The following ARID4B variants were observed in gnomAD, a reference collection of about 807,000 sequenced individuals.
ARID4B encodes AT-rich interactive domain-containing protein 4B.
A neutral mutation model predicts 147.5 loss-of-function variants in ARID4B; 26 were observed. The ratio of observed to expected loss-of-function variants is 0.18; its 90% CI spans 0.13 to 0.24. The LOEUF (loss-of-function observed/expected upper bound fraction) is 0.24, where lower values mean the gene tolerates loss of function less well. Among genes scored for constraint, ARID4B ranks in the 10% least tolerant of loss-of-function variants. ARID4B has a pLI of 1.00. For missense variants in ARID4B, 1,179 were observed against 1,511.5 expected (o/e 0.78, Z 3.65); for synonymous variants, 512 against 507.9 (o/e 1.01, Z -0.11).
At chr1:235,202,217 TAAAC>T (rs1017265499) in intron 17 of ARID4B, among the ~76,000 whole-genome samples, 12 of 151,792 alleles carry the variant, frequency 7.9e-5, no homozygotes, top group African/African-American at 2.4e-4. Context: ...AATACTGAAA[TAAAC>T]AAAAAGTATT....
chr1:235,251,682 ATAAG>A (rs1363713950), intron 6 of ARID4B, among the ~76,000 whole-genome samples: 2 of 151,896 alleles, frequency 1.3e-5, no homozygotes, highest in Non-Finnish European at 2.9e-5. Flanking sequence ...ATAATAACAA[ATAAG>A]TAATATTAAT....
At position 235,255,970 on chromosome 1, in the gene ARID4B, T is replaced by C. The variant is rs367883921; in HGVS notation, c.184-220A>G. On this transcript the variant is annotated intron_variant, in intron 4 of 23. Transcript: ENST00000264183. ...AGGTGGATCACTTGAGGTCAGGAGT[T>C]CGAGACCAGCCTGGCCAACATGGTG... Among the ~76,000 whole-genome samples, 35 of 152,018 alleles carry C rather than the reference T, an allele frequency of 2.3e-4. No homozygotes were observed. The South Asian group carries it at 7.3e-3, about 32-fold the overall frequency.
At chr1:235,245,610 A>C (rs962123725) in intron 7 of ARID4B, among the ~76,000 whole-genome samples, 2 of 152,222 alleles carry the variant, frequency 1.3e-5, no homozygotes, top group Non-Finnish European at 2.9e-5. Flanking sequence ...TAATTGTCAG[A>C]CATAAACACC....
intron 13 of ARID4B, among the ~76,000 whole-genome samples, 196 bp downstream of exon 13, chr1:235,222,967 GCCA>G (rs1371416469): frequency 3.3e-5 from 5 of 152,080 alleles, no homozygotes; most frequent in Non-Finnish European, 7.4e-5. Flanking sequence ...GCAGGCATGA[GCCA>G]CCATGCCTGG....
intron 2 of ARID4B, among the ~76,000 whole-genome samples, chr1:235,312,554 G>A (rs1321061299): frequency 6.6e-6 from 1 of 152,068 alleles, no homozygotes; most frequent in Admixed American, 6.6e-5. Flanking sequence ...AGAAGAACTA[G>A]TTTAGAAAAA....
chr1:235,322,564 T>C (rs1200294838), intron 2 of ARID4B, among the ~76,000 whole-genome samples: 1 of 152,326 alleles, frequency 6.6e-6, no homozygotes, highest in Non-Finnish European at 1.5e-5. Flanking sequence ...AAACTTTCCA[T>C]AGCTCTCTGA....
At chr1:235,249,547 G>A (rs1409514157) in intron 6 of ARID4B, among the ~76,000 whole-genome samples, 1 of 152,058 alleles carries the variant, frequency 6.6e-6, no homozygotes, top group Non-Finnish European at 1.5e-5. Context: ...TGTAATCTCA[G>A]CACTTTGGGA....
At chr1:235,259,008 C>T (rs1453105511) in intron 3 of ARID4B, among the ~76,000 whole-genome samples, 1 of 152,182 alleles carries the variant, frequency 6.6e-6, no homozygotes, top group Non-Finnish European at 1.5e-5. Context: ...CCTATATCTA[C>T]TGACAAAATC....
intron 7 of ARID4B, among the ~76,000 whole-genome samples, chr1:235,242,560 ACT>A (rs1285087305): frequency 6.6e-6 from 1 of 152,192 alleles, no homozygotes; most frequent in African/African-American, 2.4e-5. Flanking sequence ...GTTTATGAAC[ACT>A]CTATTATCAG....
chr1:235,230,961 T>C (rs1668188077), intron 10 of ARID4B, 152 bp downstream of exon 10: 5 of 557,102 alleles, frequency 9.0e-6, no homozygotes, highest in Admixed American at 3.9e-5. Flanking sequence ...AGAAGACACA[T>C]GGGTTTATAA....
At chr1:235,275,366 G>A (rs1302970359) in intron 2 of ARID4B, among the ~76,000 whole-genome samples, 4 of 152,198 alleles carry the variant, frequency 2.6e-5, no homozygotes, top group Admixed American at 6.5e-5. Context: ...ATGTGATGCA[G>A]CCTATGGTAG....
intron 2 of ARID4B, among the ~76,000 whole-genome samples, chr1:235,287,477 ACCAGAAAC>A (rs1231341856): frequency 6.6e-6 from 1 of 152,156 alleles, no homozygotes; most frequent in Admixed American, 6.5e-5. Flanking sequence ...TCTTGAATGT[ACCAGAAAC>A]TACCAGTGTT....
chr1:235,236,491 GTTGT>G (rs1009824010), intron 8 of ARID4B, among the ~76,000 whole-genome samples: 2 of 73,144 alleles, frequency 2.7e-5, no homozygotes, highest in African/African-American at 5.3e-5. Context: ...TTACAAAACA[GTTGT>G]GTGTGTGTGT....
intron 19 of ARID4B, among the ~76,000 whole-genome samples, chr1:235,192,344 CAT>C (rs1665171368): frequency 6.6e-6 from 1 of 152,148 alleles, no homozygotes; most frequent in Non-Finnish European, 1.5e-5. Context: ...AGACATACTA[CAT>C]GTTTTAAGTA....
chr1:235,199,437 A>G (rs1020090855), intron 17 of ARID4B, among the ~76,000 whole-genome samples: 5 of 152,338 alleles, frequency 3.3e-5, no homozygotes, highest in East Asian at 3.9e-4. Flanking sequence ...ATCAAAACTA[A>G]TAACTTTTAG....
intron 6 of ARID4B, among the ~76,000 whole-genome samples, chr1:235,252,349 G>C (rs541848544): frequency 1.2e-4 from 18 of 151,956 alleles, no homozygotes; most frequent in African/African-American, 3.1e-4. Context: ...TCAGCTAATA[G>C]CAGTAGCAGT....
At chr1:235,180,620 A>AT (rs1375722052) in intron 20 of ARID4B, 5 of 152,164 alleles carry the variant, frequency 3.3e-5, no homozygotes, top group African/African-American at 4.8e-5. Context: ...AATTGCAAGT[A>AT]TTTTTTTAAT....
chr1:235,221,884 C>CTTT (rs1370136402), intron 13 of ARID4B, among the ~76,000 whole-genome samples: 13 of 78,562 alleles, frequency 1.7e-4, no homozygotes, highest in East Asian at 5.9e-4. Context: ...AGTCATTTGA[C>CTTT]TATTTTTTTT....
intron 19 of ARID4B, among the ~76,000 whole-genome samples, chr1:235,187,670 T>C (rs1664789369): frequency 6.6e-6 from 1 of 152,222 alleles, no homozygotes; most frequent in African/African-American, 2.4e-5. Flanking sequence ...GCTGTCTGTG[T>C]TCTCTACTCA....
Sources: gnomAD v4.1 joint callset for allele counts (sites outside exome capture counted in the v4.1 genomes callset) on GRCh38, gnomAD v4.1.1 for gene constraint, MANE v1.5 for transcripts, NCBI Gene and HGNC (gene_info 2026-07-23, HGNC 2026-07-21) for gene names.